IL1RAPL1: variants seen among roughly 807,000 people sequenced by gnomAD.
IL1RAPL1 encodes interleukin-1 receptor accessory protein-like 1.
Under a neutral mutation model 48.4 loss-of-function variants are expected in IL1RAPL1, and 3 were observed. The ratio of observed to expected loss-of-function variants is 0.06; its 90% CI spans 0.03 to 0.16. The LOEUF (loss-of-function observed/expected upper bound fraction) is 0.16, where lower values mean the gene tolerates loss of function less well. IL1RAPL1 is among the 10% of genes least tolerant of loss of function. The pLI, the probability that IL1RAPL1 is intolerant of heterozygous loss-of-function variation, is 1.00. For missense variants in IL1RAPL1, 349 were observed against 530.6 expected, an observed-to-expected ratio of 0.66 and a Z score of 3.36; for synonymous variants, 185 against 187.7, an observed-to-expected ratio of 0.99 and a Z score of 0.12.
chrX:28,800,457 CCAGGGAAAACATG>C (rs1183040162), intron 2 of IL1RAPL1, among the ~76,000 whole-genome samples: 3 of 111,030 alleles, frequency 2.7e-5, no homozygotes, highest in African/African-American at 9.8e-5. Flanking sequence ...ATGAGATTAT[CCAGGGAAAACATG>C]CAGAGAGAGA....
chrX:29,560,561 T>C (rs1262482668), intron 5 of IL1RAPL1, among the ~76,000 whole-genome samples: 1 of 111,868 alleles, frequency 8.9e-6, no homozygotes, highest in Non-Finnish European at 1.9e-5. Context: ...GTACTATTTT[T>C]TATTTCTATG....
At chrX:29,325,622 TG>T (rs1396994763) in intron 3 of IL1RAPL1, among the ~76,000 whole-genome samples, 2 of 112,557 alleles carry the variant, frequency 1.8e-5, no homozygotes, top group Non-Finnish European at 3.7e-5. Flanking sequence ...GCTACTTACT[TG>T]CACATTATTT....
At chrX:29,328,631 G>GTATATA (rs551009907) in intron 3 of IL1RAPL1, among the ~76,000 whole-genome samples, 69 of 101,877 alleles carry the variant, frequency 6.8e-4, no homozygotes, top group Admixed American at 2.5e-3. Flanking sequence ...AATTATATAT[G>GTATATA]TATATATATA....
At chrX:28,758,503 A>G (rs1189174570) in intron 1 of IL1RAPL1, among the ~76,000 whole-genome samples, 1 of 111,323 alleles carries the variant, frequency 9.0e-6, no homozygotes, top group Non-Finnish European at 1.9e-5. Context: ...CTACTTTTGA[A>G]AGATATCAAA....
intron 6 of IL1RAPL1, among the ~76,000 whole-genome samples, chrX:29,885,724 C>T (rs1381738123): frequency 9.9e-5 from 11 of 111,417 alleles, no homozygotes; most frequent in African/African-American, 2.0e-4. Flanking sequence ...GAAGCTGAGG[C>T]GGGAGGTTCA....
intron 9 of IL1RAPL1, among the ~76,000 whole-genome samples, chrX:29,943,397 T>C (rs923564148): frequency 1.8e-4 from 20 of 112,152 alleles, no homozygotes; most frequent in Admixed American, 5.7e-4. Context: ...TCCATTTTAC[T>C]GATAAGGCAA....
intron 9 of IL1RAPL1, among the ~76,000 whole-genome samples, chrX:29,949,725 G>C (rs1339350633): frequency 8.9e-6 from 1 of 111,886 alleles, no homozygotes; most frequent in Non-Finnish European, 1.9e-5. Context: ...TGGTTATAAA[G>C]ATGTCAGCTT....
intron 5 of IL1RAPL1, among the ~76,000 whole-genome samples, chrX:29,486,021 A>G (rs1935091534): frequency 9.0e-6 from 1 of 111,381 alleles, no homozygotes; most frequent in South Asian, 3.8e-4. Context: ...TTTGTACCCG[A>G]AGCTCCAGGA....
chrX:29,364,578 A>AG (rs1374692696), intron 3 of IL1RAPL1, among the ~76,000 whole-genome samples: 51 of 108,918 alleles, frequency 4.7e-4, no homozygotes, highest in African/African-American at 1.5e-3. Context: ...AAAAAAAAAA[A>AG]AAAAAGAAAA....
chrX:28,627,208 G>C (rs1049174009), intron 1 of IL1RAPL1, among the ~76,000 whole-genome samples: 2 of 111,909 alleles, frequency 1.8e-5, no homozygotes, highest in Admixed American at 1.9e-4. Context: ...TGAGGCAAAT[G>C]CTAAAGAAAA....
intron 6 of IL1RAPL1, among the ~76,000 whole-genome samples, chrX:29,725,102 A>G (rs1394578422): frequency 9.0e-6 from 1 of 110,976 alleles, no homozygotes. Context: ...CTATGATATA[A>G]GAAGGGCTGA....
intron 1 of IL1RAPL1, among the ~76,000 whole-genome samples, chrX:28,764,817 A>AC (rs200830874): frequency 0.024 from 2,610 of 107,454 alleles, 61 homozygotes; most frequent in African/African-American, 0.077. Context: ...ACATGCACGC[A>AC]AACACACACA....
chrX:29,509,639 G>A (rs1412358318), intron 5 of IL1RAPL1, among the ~76,000 whole-genome samples: 1 of 111,279 alleles, frequency 9.0e-6, no homozygotes, highest in Non-Finnish European at 1.9e-5. Context: ...AATGAATGCT[G>A]TGTGTGCTCT....
At chrX:29,849,408 A>G (rs1313210931) in intron 6 of IL1RAPL1, among the ~76,000 whole-genome samples, 1 of 111,783 alleles carries the variant, frequency 8.9e-6, no homozygotes, top group Non-Finnish European at 1.9e-5. Context: ...AAGATAACCC[A>G]GTTCCCCTAC....
intron 1 of IL1RAPL1, among the ~76,000 whole-genome samples, chrX:28,601,902 C>T (rs1316780117): frequency 3.7e-5 from 4 of 109,545 alleles, no homozygotes; most frequent in Non-Finnish European, 5.7e-5. Flanking sequence ...GTCAGAAGTT[C>T]GAGATCAGCC....
intron 2 of IL1RAPL1, among the ~76,000 whole-genome samples, chrX:28,922,780 A>G (rs1293787967): frequency 8.9e-6 from 1 of 112,101 alleles, no homozygotes. Flanking sequence ...CTACTTATAT[A>G]AGGAGACTAC....
chrX:29,814,508 A>G (rs1224005107), intron 6 of IL1RAPL1, among the ~76,000 whole-genome samples: 1 of 111,356 alleles, frequency 9.0e-6, no homozygotes, highest in Non-Finnish European at 1.9e-5. Context: ...TAGTTTGCAG[A>G]TATTTTTTCC....
intron 5 of IL1RAPL1, among the ~76,000 whole-genome samples, chrX:29,477,712 C>T (rs1376961631): frequency 1.8e-5 from 2 of 111,958 alleles, no homozygotes; most frequent in South Asian, 3.7e-4. Flanking sequence ...TGAGAAGTTA[C>T]GTGACCTGTC....
chrX:29,151,122 A>T, intron 2 of IL1RAPL1, among the ~76,000 whole-genome samples: 1 of 110,305 alleles, frequency 9.1e-6, no homozygotes, highest in Non-Finnish European at 1.9e-5. Flanking sequence ...ATGAAACAAA[A>T]GCTTCAGTGC....
Sources: allele counts gnomAD v4.1 joint callset (sites outside exome capture counted in the v4.1 genomes callset), GRCh38; gene constraint gnomAD v4.1.1; transcripts MANE v1.5; gene names NCBI Gene and HGNC (gene_info 2026-07-23, HGNC 2026-07-21).